The following EPC2 variants were observed in gnomAD, a reference collection of about 807,000 sequenced individuals.
EPC2 encodes enhancer of polycomb homolog 2.
In EPC2, 14 loss-of-function variants were observed where a neutral mutation model predicts 92.1. That is an observed-to-expected ratio of 0.15 (90% CI 0.10 to 0.24). The LOEUF is 0.24. Ranked by LOEUF, EPC2 falls within the 10% of genes least tolerant of loss-of-function variation. EPC2 has a pLI of 1.00. For synonymous variants in EPC2, 340 were observed against 334.7 expected, an observed-to-expected ratio of 1.02 and a Z score of -0.17; for missense variants, 755 against 971.5, an observed-to-expected ratio of 0.78 and a Z score of 2.96.
At chr2:148,733,127 TAA>T (rs1326911563) in intron 2 of EPC2, among the ~76,000 whole-genome samples, 1 of 138,458 alleles carries the variant, frequency 7.2e-6, no homozygotes, top group African/African-American at 2.5e-5. Context: ...CTCCCATCCC[TAA>T]GAGTATTTCA....
chr2:148,764,218 A>C (rs1465999464), intron 6 of EPC2, among the ~76,000 whole-genome samples: 2 of 152,170 alleles, frequency 1.3e-5, no homozygotes, highest in African/African-American at 4.8e-5. Flanking sequence ...GAAATGTATA[A>C]ATTGTGTAGT....
intron 2 of EPC2, among the ~76,000 whole-genome samples, chr2:148,706,911 C>A (rs1682012381): frequency 2.0e-5 from 3 of 152,058 alleles, no homozygotes. Flanking sequence ...ATTGTAAAGA[C>A]CATCGATGCT....
At chr2:148,762,567 C>T (rs1683324091) in intron 5 of EPC2, 103 bp from the exon 6 acceptor site, 3 of 741,600 alleles carry the variant, frequency 4.0e-6, no homozygotes, top group South Asian at 2.8e-5. Flanking sequence ...GATTGTTAGC[C>T]CTTTTTGACT....
At position 148,644,991 on chromosome 2, in the gene EPC2, G is replaced by A. The variant is rs781720934; in HGVS notation, c.-27G>A. 150 of 1,366,438 alleles carry A rather than the reference G, an allele frequency of 1.1e-4. No individual in the cohort carries two copies. Among genetic ancestry groups the A allele is most frequent in the Middle Eastern group, 2.3e-4 (1 of 4,284 alleles). 84.6% of individuals were successfully genotyped at this position (1,366,438 alleles called of 1,614,324 possible). A position where few individuals can be genotyped will look rare whatever the true frequency, so the allele number is the denominator to read the frequency against. On this transcript the variant is annotated 5_prime_UTR_variant, in exon 1 of 14. Coordinates refer to ENST00000258484, the MANE Select transcript of EPC2 (RefSeq NM_015630.4). ...CCCGCCCGCCCCGCCGCCGCCGCCC[G>A]GGCTGTTCCTGTAAGGCGGGGAGAC...
chr2:148,744,587 G>A lies in EPC2; in HGVS notation c.459+820G>A, dbSNP rs115668809. On this transcript the variant is annotated intron_variant, in intron 3 of 13. Coordinates refer to ENST00000258484, the MANE Select transcript of EPC2 (RefSeq NM_015630.4). ...TTATATTTATACATGTGCATAGAAA[G>A]CAAAAGAATAAGGAAGTTTACAACA... 7.2e-3 allele frequency among the ~76,000 whole-genome samples: 1,089 copies of A among 152,120 alleles called. 6 individuals are homozygous for A. The highest frequency in any genetic ancestry group is 0.025 in the African/African-American group (1,023 of 41,510).
chr2:148,774,175 C>T (rs1250681358), intron 10 of EPC2, among the ~76,000 whole-genome samples: 1 of 152,112 alleles, frequency 6.6e-6, no homozygotes, highest in Non-Finnish European at 1.5e-5. Context: ...AAACATAATG[C>T]ACTTTATTTA....
chr2:148,709,333 C>T (rs6751441), intron 2 of EPC2, among the ~76,000 whole-genome samples: 4,822 of 151,968 alleles, frequency 0.032, 247 homozygotes, highest in African/African-American at 0.11. Context: ...CACTGCTCAA[C>T]GAAATAAAAG....
intron 2 of EPC2, 26 bp downstream of exon 2, chr2:148,690,399 T>C (rs1681619220): frequency 1.9e-6 from 3 of 1,545,728 alleles, no homozygotes; most frequent in Non-Finnish European, 2.6e-6. Context: ...CATTGTTTTC[T>C]GTTTGTACTT....
chr2:148,774,924 A>G (rs1027848630), intron 10 of EPC2, among the ~76,000 whole-genome samples: 1 of 151,346 alleles, frequency 6.6e-6, no homozygotes, highest in African/African-American at 2.4e-5. Context: ...CGACTCTACT[A>G]AAAATACAAA....
In EPC2 at chr2:148,782,713, A is replaced by G. The variant is rs562482449; in HGVS notation, c.1858-884A>G. 1.1e-3 allele frequency among the ~76,000 whole-genome samples: 168 copies of G among 151,866 alleles called. 1 individual carries two copies. The highest frequency in any genetic ancestry group is 1.6e-3 in the Non-Finnish European group (109 of 67,960). ...CTGCCAACACCTTGATTTTAACCCC[A>G]TAAGCTTCATTGTGGACTTCTGGCC... On this transcript the variant is annotated intron_variant, in intron 11 of 13. Coordinates refer to ENST00000258484, the MANE Select transcript of EPC2 (RefSeq NM_015630.4).
At chr2:148,782,794 T>G (rs1481981319) in intron 11 of EPC2, among the ~76,000 whole-genome samples, 1 of 152,156 alleles carries the variant, frequency 6.6e-6, no homozygotes, top group Non-Finnish European at 1.5e-5. Context: ...CTAAGAAATC[T>G]ATTTCAAATT....
chr2:148,644,902 A>T lies in EPC2; in HGVS notation c.-116A>T. 1 of 868,070 alleles carries T rather than the reference A, an allele frequency of 1.2e-6. No individual in the cohort carries two copies. The highest frequency in any genetic ancestry group is 1.8e-6 in the Non-Finnish European group (1 of 567,768). 53.8% of individuals were successfully genotyped at this position (868,070 alleles called of 1,614,324 possible). On this transcript the variant is annotated 5_prime_UTR_variant, in exon 1 of 14. Transcript: ENST00000258484. ...GCCGGGGGCAGTGAGGAGGAGGAGG[A>T]GCGGGCCGGCCGCGCTGCACTGAGG...
intron 1 of EPC2, among the ~76,000 whole-genome samples, chr2:148,649,922 G>A (rs1187832684): frequency 6.6e-6 from 1 of 152,082 alleles, no homozygotes; most frequent in Admixed American, 6.6e-5. Context: ...ACTTAATTTG[G>A]TCTGACTTTT....
intron 6 of EPC2, 90 bp from the exon 7 acceptor site, chr2:148,764,865 G>GT: frequency 1.0e-6 from 1 of 984,100 alleles, no homozygotes. Flanking sequence ...GGGTAAAAAT[G>GT]TATGTTTTTC....
chr2:148,741,711 A>T (rs1366914934), intron 2 of EPC2, among the ~76,000 whole-genome samples: 1 of 152,160 alleles, frequency 6.6e-6, no homozygotes, highest in African/African-American at 2.4e-5. Flanking sequence ...AAATCTTGTC[A>T]TGTAATTTCA....
chr2:148,715,185 C>T (rs1273768342), intron 2 of EPC2, among the ~76,000 whole-genome samples: 1 of 152,024 alleles, frequency 6.6e-6, no homozygotes, highest in Non-Finnish European at 1.5e-5. Flanking sequence ...AGGCACGTGC[C>T]ACCGCACCCG....
intron 1 of EPC2, among the ~76,000 whole-genome samples, chr2:148,657,866 T>C (rs1008464917): frequency 1.3e-5 from 2 of 150,670 alleles, no homozygotes; most frequent in East Asian, 4.0e-4. Context: ...TCAAATGTTT[T>C]TTTGACTATC....
chr2:148,676,273 G>T (rs544727095), intron 1 of EPC2, among the ~76,000 whole-genome samples: 61 of 151,778 alleles, frequency 4.0e-4, no homozygotes, highest in Middle Eastern at 6.8e-3. Context: ...AGATTTTTCA[G>T]AATGTCAAAG....
At chr2:148,652,577 T>C (rs1489678637) in intron 1 of EPC2, among the ~76,000 whole-genome samples, 1 of 152,192 alleles carries the variant, frequency 6.6e-6, no homozygotes, top group African/African-American at 2.4e-5. Context: ...CTGAGTGACC[T>C]TTAAAGTACC....
Sources: gnomAD v4.1 joint callset for allele counts (sites outside exome capture counted in the v4.1 genomes callset) on GRCh38, gnomAD v4.1.1 for gene constraint, MANE v1.5 for transcripts, NCBI Gene and HGNC (gene_info 2026-07-23, HGNC 2026-07-21) for gene names.